Variants in RAVER1 observed in about 807,000 individuals in gnomAD.
RAVER1 encodes the protein ribonucleoprotein PTB-binding 1.
In RAVER1, 36 loss-of-function variants were observed where a neutral mutation model predicts 68.4. The ratio of observed to expected loss-of-function variants is 0.53; its 90% CI spans 0.40 to 0.70. The LOEUF (loss-of-function observed/expected upper bound fraction) is 0.70, where lower values mean the gene tolerates loss of function less well. Among genes scored for constraint, RAVER1 ranks in the 30% least tolerant of loss-of-function variants. RAVER1 has a pLI of 0.00. For synonymous variants in RAVER1, 469 were observed against 472.7 expected (o/e 0.99, Z 0.10); for missense variants, 933 against 1,019.8 (o/e 0.91, Z 1.16).
chr19:10,317,551 G>A lies in RAVER1; in HGVS notation c.2123C>T (p.Pro708Leu). 6.2e-7 allele frequency: 1 copy of A among 1,613,244 alleles called. No homozygotes were observed. The highest frequency in any genetic ancestry group is 8.5e-7 in the Non-Finnish European group (1 of 1,179,636). ...KRSFAHLLPS[P>L]EPSPEGSYVG... ...ATAGCTGCCTTCTGGGCTGGGCTCG[G>A]GCGAGGGCAGCAGGTGGGCAAAGCT... Residue 708 changes from proline (P) to leucine (L), a missense_variant, in exon 13 of 13, where the codon CCC (proline) becomes CTC (leucine). By Grantham distance (98) the Pro-to-Leu change is moderately conservative. Coordinates refer to ENST00000617231, the MANE Select transcript of RAVER1 (RefSeq NM_133452.3). This position sits in a 1 kb window ranked among gnomAD's most constrained non-coding sequence, Gnocchi z 4.3.
rs1568314187 is a variant in RAVER1 at position 10,331,390 on chromosome 19, C to CAAAA, written c.220-865_220-864insTTTT. The stretch of plus-strand genomic sequence containing the variant: ...AAAAAAAAAAAAAAAAAAATAACAA[C>CAAAA]AACAAAAAAAAAAAAAAAAAAAGAG... On this transcript the variant is annotated intron_variant, in intron 1 of 12. Coordinates refer to ENST00000617231, the MANE Select transcript of RAVER1 (RefSeq NM_133452.3). Among the ~76,000 whole-genome samples, 79 of 31,736 alleles carry CAAAA rather than the reference C, an allele frequency of 2.5e-3. 2 individuals are homozygous for CAAAA. The highest frequency in any genetic ancestry group is 3.0e-3 in the Non-Finnish European group (50 of 16,808). 20.8% of individuals were successfully genotyped at this position (31,736 alleles called of 152,430 possible).
At position 10,318,384 on chromosome 19, in the gene RAVER1, G is replaced by T; in HGVS notation, c.1846-12C>A. ...GGCGGGGGGGACATCTGTAGAAGAA[G>T]GGCCGGTGGAGTGAAGCAGACAATT... On this transcript the variant is annotated splice_polypyrimidine_tract_variant and intron_variant, in intron 10 of 12. Transcript: ENST00000617231. The T allele has an allele frequency of 6.3e-7, 1 of 1,586,602 alleles. No individual in the cohort carries two copies. Among genetic ancestry groups the T allele is most frequent in the Non-Finnish European group, 8.6e-7 (1 of 1,169,342 alleles).
In RAVER1 at chr19:10,316,491, G is replaced by A; in HGVS notation, c.*963C>T. The A allele has an allele frequency of 4.0e-6, 4 of 990,628 alleles. No homozygotes were observed. The highest frequency in any genetic ancestry group is 4.8e-6 in the Non-Finnish European group (4 of 833,160). The allele number at this position is 990,628 out of a possible 1,614,324, so 61.4% of individuals were successfully genotyped here. On this transcript the variant is annotated 3_prime_UTR_variant, in exon 13 of 13. Transcript: ENST00000617231. ...CAGGGATCTGGCCGGGGGTGGGCAG[G>A]CAGAATTCAAGAATTCATCTTCAAC...
At chr19:10,324,103 G>A (rs1391953676) in intron 3 of RAVER1, among the ~76,000 whole-genome samples, 2 of 150,436 alleles carry the variant, frequency 1.3e-5, no homozygotes, top group South Asian at 2.1e-4. Flanking sequence ...GCGGTGGGCC[G>A]AGATCGCGCC....
chr19:10,322,667 G>T lies in RAVER1; in HGVS notation c.1151C>A (p.Ala384Asp). The change falls in exon 6 of 13, where the codon GCC becomes GAC. Residue 384 changes from alanine (A) to aspartate (D), a missense_variant. Around this residue, in one of 3 missense-constraint regions of RAVER1, gnomAD observed 699 missense variants for 731.1 expected, o/e 0.96. Transcript: ENST00000617231. The surrounding 1 kb of genome is among the most constrained non-coding windows in gnomAD (Gnocchi z 4.3). The part of the protein sequence containing the change: ...PALSTALLQL[A>D]LQTQGQKKPG... ...TACCTTCTGGCCCTGGGTCTGCAGG[G>T]CGAGCTGCAACAGCGCCGTGGACAG... 1 of 1,544,430 alleles carries T rather than the reference G, an allele frequency of 6.5e-7. No homozygotes were observed. The highest frequency in any genetic ancestry group is 8.7e-7 in the Non-Finnish European group (1 of 1,154,394).
intron 3 of RAVER1, among the ~76,000 whole-genome samples, chr19:10,324,109 G>T (rs971264316): frequency 3.3e-5 from 5 of 150,340 alleles, no homozygotes; most frequent in Non-Finnish European, 5.9e-5. Context: ...GGCCGAGATC[G>T]CGCCACTGCA....
In RAVER1 at chr19:10,318,363, G is replaced by T. The variant is rs746814768; in HGVS notation, c.1855C>A (p.Pro619Thr). The change falls in exon 11 of 13, where the codon CCG (proline) becomes ACG (threonine). Residue 619 changes from proline to threonine, a missense_variant. Pro to Thr is a conservative substitution (Grantham distance 38). This residue lies in a region of RAVER1 where 699 missense variants were observed against 731.1 expected (regional missense o/e 0.96). Transcript: ENST00000617231. Reference sequence around the variant, plus strand: ...CTCCGTTCGCCGAAGCCACTGGGCGGGGGGGACATCTGTAGAAGAAGGGCC... The same window carrying T: ...CTCCGTTCGCCGAAGCCACTGGGCGTGGGGGACATCTGTAGAAGAAGGGCC... ...HGPSRHKMSP[P>T]PSGFGERSSG... 5 of 1,599,252 alleles carry T rather than the reference G, an allele frequency of 3.1e-6. No homozygotes were observed. The East Asian group carries it at 1.1e-4, about 36-fold the overall frequency.
At chr19:10,325,592 G>A (rs1036349135) in intron 3 of RAVER1, among the ~76,000 whole-genome samples, 8 of 151,458 alleles carry the variant, frequency 5.3e-5, no homozygotes, top group African/African-American at 1.7e-4. Flanking sequence ...TCTGCCCGCC[G>A]CAGCCTCCCA....
rs1347045586 is a variant in RAVER1, at chr19:10,329,067, T to C, written c.331A>G (p.Asn111Asp). 1 of 1,518,786 alleles carries C rather than the reference T, an allele frequency of 6.6e-7. No individual in the cohort carries two copies. The highest frequency in any genetic ancestry group is 1.3e-5 in the South Asian group (1 of 76,686). The allele number at this position is 1,518,786 out of a possible 1,614,324, so 94.1% of individuals were successfully genotyped here. A position where few individuals can be genotyped will look rare whatever the true frequency, so the allele number is the denominator to read the frequency against. Residue 111 changes from asparagine to aspartate, a missense_variant, in exon 3 of 13, where the codon AAT (asparagine) becomes GAT (aspartate). Asn to Asp is a conservative substitution (Grantham distance 23, BLOSUM62 1). This residue lies in a region of RAVER1 where 211 missense variants were observed against 230.0 expected (regional missense o/e 0.92). Coordinates refer to ENST00000617231, the MANE Select transcript of RAVER1 (RefSeq NM_133452.3). The surrounding 1 kb of genome is among the most constrained non-coding windows in gnomAD (Gnocchi z 4.6). ...LNGEQAEAAI[N>D]AFHQSRLRER... is the part of the protein sequence containing the mutation. ...CGCAGGCGGCTCTGGTGGAAAGCAT[T>C]GATTGCGGCCTCGGCCTGCTCCCCA...
intron 3 of RAVER1, among the ~76,000 whole-genome samples, chr19:10,324,008 C>G (rs1041408295): frequency 1.3e-5 from 2 of 151,994 alleles, no homozygotes; most frequent in South Asian, 2.1e-4. Flanking sequence ...ATTAGCCAGG[C>G]GTGGTGGCAC....
intron 1 of RAVER1, among the ~76,000 whole-genome samples, chr19:10,330,744 A>T (rs2040509064): frequency 6.6e-6 from 1 of 152,164 alleles, no homozygotes. Flanking sequence ...CTGTGCTATT[A>T]CCCAGGCAAC....
intron 1 of RAVER1, among the ~76,000 whole-genome samples, chr19:10,331,684 C>CAAAAAAA (rs61614587): frequency 2.7e-5 from 2 of 73,258 alleles, no homozygotes; most frequent in African/African-American, 5.8e-5. Context: ...GACTCCGTCT[C>CAAAAAAA]AAAAAAAAAA....
intron 3 of RAVER1, among the ~76,000 whole-genome samples, chr19:10,324,073 G>C (rs965132271): frequency 2.0e-5 from 3 of 151,192 alleles, no homozygotes; most frequent in African/African-American, 7.3e-5. Context: ...AGAGTCACTT[G>C]AACCTGTGAG....
chr19:10,323,617 C>A lies in RAVER1; in HGVS notation c.757-51G>T, dbSNP rs764388491. ...GAGCATCTGGGCAGCAGTGACTGCA[C>A]CACCCCGGGAAGTGACAACCGTAAC... On this transcript the variant is annotated intron_variant, in intron 3 of 12. Transcript: ENST00000617231. This position sits in a 1 kb window ranked among gnomAD's most constrained non-coding sequence, Gnocchi z 6.2. 6.5e-7 allele frequency: 1 copy of A among 1,527,098 alleles called. No homozygotes were observed. The allele number at this position is 1,527,098 out of a possible 1,614,324, so 94.6% of individuals were successfully genotyped here.
rs2040442579 is a variant in RAVER1 at position 10,322,160 on chromosome 19, CTA to C, written c.1173+483_1173+484del. ...GTCTTTGTCTTATGTCTTTGTGTGT[CTA>C]TGTCTCTGTGTGTATATTTGCATCT... On this transcript the variant is annotated intron_variant, in intron 6 of 12. Coordinates refer to ENST00000617231, the MANE Select transcript of RAVER1 (RefSeq NM_133452.3). This position sits in a 1 kb window ranked among gnomAD's most constrained non-coding sequence, Gnocchi z 4.3. 2 of 168,732 alleles carry C rather than the reference CTA, an allele frequency of 1.2e-5. No homozygotes were observed. Among genetic ancestry groups the C allele is most frequent in the African/African-American group, 2.4e-5 (1 of 41,670 alleles). 10.5% of individuals were successfully genotyped at this position (168,732 alleles called of 1,614,324 possible).
chr19:10,316,262 G>C lies in RAVER1; in HGVS notation c.*1192C>G, dbSNP rs2040386743. ...ACTTTAATTCAGCAAAGGTCCGTGT[G>C]GGGAGACTGGGGTGGGGTCGGGGGA... On this transcript the variant is annotated 3_prime_UTR_variant, in exon 13 of 13. Coordinates refer to ENST00000617231, the MANE Select transcript of RAVER1 (RefSeq NM_133452.3). 8 of 1,307,934 alleles carry C rather than the reference G, an allele frequency of 6.1e-6. No individual in the cohort carries two copies. The highest frequency in any genetic ancestry group is 7.8e-6 in the Non-Finnish European group (8 of 1,030,850). 81.0% of individuals were successfully genotyped at this position (1,307,934 alleles called of 1,614,324 possible).
At chr19:10,319,382 A>C in intron 9 of RAVER1, 142 bp from the exon 10 acceptor site, 2 of 771,598 alleles carry the variant, frequency 2.6e-6, no homozygotes, top group Non-Finnish European at 4.3e-6. Context: ...GGCTGGATGC[A>C]GCTTGGCAGG....
chr19:10,319,380 G>C (rs889765677), intron 9 of RAVER1, 140 bp from the exon 10 acceptor site: 6 of 769,958 alleles, frequency 7.8e-6, no homozygotes, highest in Non-Finnish European at 8.6e-6. Flanking sequence ...GGGGCTGGAT[G>C]CAGCTTGGCA....
intron 3 of RAVER1, among the ~76,000 whole-genome samples, chr19:10,325,287 G>C (rs549353189): frequency 6.6e-6 from 1 of 151,946 alleles, no homozygotes; most frequent in East Asian, 1.9e-4. Flanking sequence ...TGCAGTAGTG[G>C]GATCTTGGCT....
Sources: gnomAD v4.1 joint callset for allele counts (sites outside exome capture counted in the v4.1 genomes callset) on GRCh38, gnomAD v4.1.1 for gene constraint, gnomAD v4.1.1 regional missense constraint, Gnocchi (gnomAD v3.1) non-coding constraint, MANE v1.5 for transcripts, NCBI Gene and HGNC (gene_info 2026-07-23, HGNC 2026-07-21) for gene names.